Variants in TMEM132C observed in about 807,000 individuals in gnomAD.
TMEM132C encodes transmembrane protein 132C.
TMEM132C carries 29 observed loss-of-function variants against 61.4 expected under a neutral mutation model. That is an observed-to-expected ratio of 0.47 (90% CI 0.35 to 0.64). The LOEUF (loss-of-function observed/expected upper bound fraction) is 0.64. Ranked by LOEUF, TMEM132C falls within the 30% of genes least tolerant of loss-of-function variation. TMEM132C has a pLI of 0.00. For synonymous variants in TMEM132C, 656 were observed against 633.1 expected, an observed-to-expected ratio of 1.04 and a Z score of -0.54; for missense variants, 1,408 against 1,476.9, an observed-to-expected ratio of 0.95 and a Z score of 0.76.
intron 2 of TMEM132C, among the ~76,000 whole-genome samples, chr12:128,524,712 T>G (rs1212166725): frequency 6.6e-6 from 1 of 152,188 alleles, no homozygotes; most frequent in Non-Finnish European, 1.5e-5. Context: ...TTCTCTGCTC[T>G]CATTTCCTTC....
intron 2 of TMEM132C, among the ~76,000 whole-genome samples, chr12:128,501,860 A>C (rs570656781): frequency 6.6e-6 from 1 of 152,176 alleles, no homozygotes; most frequent in African/African-American, 2.4e-5. Flanking sequence ...CATGATTCTC[A>C]ACCATTGCCT....
intron 3 of TMEM132C, among the ~76,000 whole-genome samples, chr12:128,544,681 G>T (rs1488013710): frequency 6.6e-6 from 1 of 152,160 alleles, no homozygotes; most frequent in East Asian, 1.9e-4. Flanking sequence ...CCTACTCAAG[G>T]GTAACCCACT....
intron 1 of TMEM132C, among the ~76,000 whole-genome samples, chr12:128,362,180 T>C (rs1167802631): frequency 6.6e-6 from 1 of 152,112 alleles, no homozygotes; most frequent in East Asian, 1.9e-4. Flanking sequence ...AAAGCTCTCC[T>C]GGTGCCTTTC....
At chr12:128,324,260 C>T (rs1019392811) in intron 1 of TMEM132C, among the ~76,000 whole-genome samples, 1 of 152,070 alleles carries the variant, frequency 6.6e-6, no homozygotes, top group Admixed American at 6.5e-5. Context: ...TGCTTATGGT[C>T]AAATTTTCAG....
rs112647969 is a variant in TMEM132C, at chr12:128,474,760, T to C, written c.974+59140T>C. 2.0e-5 allele frequency among the ~76,000 whole-genome samples: 3 copies of C among 152,268 alleles called. 1 individual carries two copies. Among genetic ancestry groups the C allele is most frequent in the African/African-American group, 7.2e-5 (3 of 41,546 alleles). ...TGAATTCTGGAATTATGAATATGTC[T>C]CTCCTTTGAGCAGTGGTCTGTTGAA... On this transcript the variant is annotated intron_variant, in intron 2 of 8. Transcript: ENST00000435159.
At chr12:128,421,220 A>AT (rs1467283138) in intron 2 of TMEM132C, among the ~76,000 whole-genome samples, 2 of 152,308 alleles carry the variant, frequency 1.3e-5, no homozygotes, top group East Asian at 1.9e-4. Flanking sequence ...TGCATAGCTA[A>AT]TTGCAGAGAT....
chr12:128,312,548 G>GGAGACTTGGATACA (rs1267450225), intron 1 of TMEM132C, among the ~76,000 whole-genome samples: 3 of 152,168 alleles, frequency 2.0e-5, no homozygotes, highest in Non-Finnish European at 4.4e-5. Context: ...GAAGGGAGAG[G>GGAGACTTGGATACA]GAGACTTGGA....
intron 1 of TMEM132C, among the ~76,000 whole-genome samples, chr12:128,283,587 A>G (rs1436698286): frequency 1.3e-5 from 2 of 151,378 alleles, no homozygotes; most frequent in African/African-American, 2.4e-5. Context: ...CTAGCTATCT[A>G]CTGTTCTCTG....
intron 1 of TMEM132C, among the ~76,000 whole-genome samples, chr12:128,272,995 A>G (rs1203765994): frequency 6.6e-6 from 1 of 152,128 alleles, no homozygotes; most frequent in Non-Finnish European, 1.5e-5. Context: ...TGTTTAGTTT[A>G]TTAATATTTT....
At chr12:128,597,700 G>C (rs1876022187) in intron 3 of TMEM132C, among the ~76,000 whole-genome samples, 1 of 152,218 alleles carries the variant, frequency 6.6e-6, no homozygotes, top group Admixed American at 6.5e-5. Flanking sequence ...CATCTTACCA[G>C]AGAAGATAGA....
chr12:128,629,940 T>C lies in TMEM132C; in HGVS notation c.1305+13605T>C, dbSNP rs963527424. The stretch of plus-strand genomic sequence containing the variant: ...GAGATCACTTCATTGCACTCTAGCC[T>C]GGAAGACAAGAGCAAAACTCCGTCT... On this transcript the variant is annotated intron_variant, in intron 4 of 8. Transcript: ENST00000435159. Among the ~76,000 whole-genome samples, 16 of 144,746 alleles carry C rather than the reference T, an allele frequency of 1.1e-4. No individual in the cohort carries two copies. The East Asian group carries it at 3.0e-3, about 27-fold the overall frequency. The allele number at this position is 144,746 out of a possible 152,430, so 95.0% of individuals were successfully genotyped here. A position where few individuals can be genotyped will look rare whatever the true frequency, so the allele number is the denominator to read the frequency against.
chr12:128,548,216 A>G (rs1565970628), intron 3 of TMEM132C, among the ~76,000 whole-genome samples: 1 of 152,188 alleles, frequency 6.6e-6, no homozygotes, highest in Non-Finnish European at 1.5e-5. Context: ...GCTTGAAAAT[A>G]TATGGTGTGT....
At chr12:128,557,637 G>T (rs1265355453) in intron 3 of TMEM132C, among the ~76,000 whole-genome samples, 2 of 152,164 alleles carry the variant, frequency 1.3e-5, no homozygotes, top group Non-Finnish European at 2.9e-5. Context: ...CCAAGGCTCT[G>T]TGTGTCTCAG....
intron 2 of TMEM132C, among the ~76,000 whole-genome samples, chr12:128,518,671 A>G (rs1041565265): frequency 2.0e-5 from 3 of 152,188 alleles, no homozygotes; most frequent in Non-Finnish European, 2.9e-5. Flanking sequence ...TTCAGCTTCA[A>G]TCTAAACCGC....
At chr12:128,483,439 C>G (rs1871384142) in intron 2 of TMEM132C, among the ~76,000 whole-genome samples, 1 of 151,916 alleles carries the variant, frequency 6.6e-6, no homozygotes, top group Non-Finnish European at 1.5e-5. Context: ...CCAGAAGATT[C>G]TCCACACTGC....
chr12:128,447,445 T>C (rs1870020670), intron 2 of TMEM132C, among the ~76,000 whole-genome samples: 1 of 152,222 alleles, frequency 6.6e-6, no homozygotes, highest in African/African-American at 2.4e-5. Context: ...AAGAAAAGGC[T>C]ATACCTGTTG....
chr12:128,268,823 A>G (rs1870408117), intron 1 of TMEM132C, among the ~76,000 whole-genome samples: 1 of 144,788 alleles, frequency 6.9e-6, no homozygotes, highest in African/African-American at 2.6e-5. Flanking sequence ...CAAGTTTGCT[A>G]TGTTTTATAT....
At chr12:128,316,230 C>G (rs1872148565) in intron 1 of TMEM132C, among the ~76,000 whole-genome samples, 2 of 152,228 alleles carry the variant, frequency 1.3e-5, no homozygotes, top group South Asian at 4.2e-4. Context: ...TAACAGGAAC[C>G]CCCAGGGACC....
At chr12:128,500,538 G>C (rs772706522) in intron 2 of TMEM132C, among the ~76,000 whole-genome samples, 26 of 152,158 alleles carry the variant, frequency 1.7e-4, no homozygotes, top group Middle Eastern at 3.4e-3. Flanking sequence ...CAACAGATAT[G>C]AGTAGACATT....
Sources: gnomAD v4.1 joint callset for allele counts (sites outside exome capture counted in the v4.1 genomes callset) on GRCh38, gnomAD v4.1.1 for gene constraint, MANE v1.5 for transcripts, NCBI Gene and HGNC (gene_info 2026-07-23, HGNC 2026-07-21) for gene names.